MAP7D3: variants seen among roughly 807,000 people sequenced by gnomAD.
The protein encoded by MAP7D3 is MAP7 domain-containing protein 3.
In MAP7D3, 45 loss-of-function variants were observed where a neutral mutation model predicts 62.2. That is an observed-to-expected ratio of 0.72 (90% CI 0.57 to 0.93). The LOEUF is 0.93. Ranked by LOEUF, MAP7D3 falls within the 40% of genes least tolerant of loss-of-function variation. MAP7D3 has a pLI of 0.00. For missense variants in MAP7D3, 711 were observed against 683.1 expected (o/e 1.04, Z -0.45); for synonymous variants, 288 against 248.8 (o/e 1.16, Z -1.48).
chrX:136,236,164 G>A, intron 7 of MAP7D3, 80 bp downstream of exon 7: 1 of 628,030 alleles, frequency 1.6e-6, no homozygotes, highest in South Asian at 3.5e-5. Flanking sequence ...TTTTGGGAAT[G>A]ATTTTTCAAG....
At chrX:136,222,003 C>T (rs1291359558) in intron 15 of MAP7D3, 1 of 124,916 alleles carries the variant, frequency 8.0e-6, no homozygotes, top group East Asian at 2.3e-4. Flanking sequence ...GACATGGTTT[C>T]AATTTTTCTT....
chrX:136,241,549 T>C (rs1434271579), intron 4 of MAP7D3, among the ~76,000 whole-genome samples: 2 of 112,056 alleles, frequency 1.8e-5, no homozygotes, highest in African/African-American at 6.5e-5. Context: ...AGCCTCTTTC[T>C]AGCAACTGTA....
chrX:136,236,421 T>A (rs2074331232), intron 6 of MAP7D3, 82 bp from the exon 7 acceptor site: 6 of 504,845 alleles, frequency 1.2e-5, no homozygotes, highest in Non-Finnish European at 1.9e-5. Flanking sequence ...TTTCAAACAT[T>A]TTTTATGTTC....
At chrX:136,233,346 C>T (rs909116886) in intron 7 of MAP7D3, among the ~76,000 whole-genome samples, 1 of 105,994 alleles carries the variant, frequency 9.4e-6, no homozygotes, top group African/African-American at 3.4e-5. Flanking sequence ...GCAATCTTGG[C>T]TCACTGCAAC....
intron 11 of MAP7D3, 81 bp downstream of exon 11, chrX:136,228,542 A>G: frequency 1.1e-6 from 1 of 949,712 alleles, no homozygotes. Context: ...AGAATTTATA[A>G]CTTGAGGGTA....
intron 1 of MAP7D3, among the ~76,000 whole-genome samples, chrX:136,246,882 T>G (rs1301030663): frequency 2.7e-5 from 3 of 111,979 alleles, no homozygotes. Flanking sequence ...CTTTCTATCC[T>G]GGTTGCACAC....
intron 12 of MAP7D3, among the ~76,000 whole-genome samples, chrX:136,227,043 G>C (rs78846673): frequency 9.0e-6 from 1 of 111,549 alleles, no homozygotes; most frequent in African/African-American, 3.3e-5. Flanking sequence ...GCAGGAGAAT[G>C]GCTTGAACCT....
At chrX:136,246,005 AAC>A in intron 3 of MAP7D3, 58 bp downstream of exon 3, 2 of 811,483 alleles carry the variant, frequency 2.5e-6, no homozygotes, top group Non-Finnish European at 3.6e-6. Context: ...ATAAGTTAAA[AAC>A]ACTTTGCAAT....
chrX:136,230,409 T>G lies in MAP7D3; in HGVS notation c.1726A>C (p.Ser576Arg), dbSNP rs758175111. ...CCTTCATAGATCATATGCCTTTGGC[T>G]CAAAGCCTCACATCTGTTAGTGGTT... ...SKTTNRCEAL[S>R]QRHMIYEESG... Residue 576 changes from serine to arginine, a missense_variant, in exon 10 of 19, where the codon AGC becomes CGC. Coordinates refer to ENST00000316077, the MANE Select transcript of MAP7D3 (RefSeq NM_024597.4). The G allele has an allele frequency of 2.5e-6, 3 of 1,197,445 alleles. No homozygotes were observed. The South Asian group carries it at 5.3e-5, about 21-fold the overall frequency.
At chrX:136,252,754 A>G (rs1265893670), upstream of MAP7D3, among the ~76,000 whole-genome samples, 1 of 109,278 alleles carries the variant, frequency 9.2e-6, no homozygotes, top group African/African-American at 3.3e-5. Context: ...AATTTTAACA[A>G]AAATTAAAAC....
At position 136,235,735 on chromosome X, in the gene MAP7D3, C is replaced by T. The variant is rs182751865; in HGVS notation, c.736+509G>A. On this transcript the variant is annotated intron_variant, in intron 7 of 18. Coordinates refer to ENST00000316077, the MANE Select transcript of MAP7D3 (RefSeq NM_024597.4). ...CTGCCCTCCAGCCTGGGCAACAGAG[C>T]GAGACTCTATTTCAAAAAAAAAAGA... Among the ~76,000 whole-genome samples, 212 of 108,666 alleles carry T rather than the reference C, an allele frequency of 2.0e-3. 1 individual carries two copies. Among genetic ancestry groups the T allele is most frequent in the African/African-American group, 6.7e-3 (199 of 29,859 alleles). The allele number at this position is 108,666 out of a possible 115,157, so 94.4% of individuals were successfully genotyped here. A position where few individuals can be genotyped will look rare whatever the true frequency, so the allele number is the denominator to read the frequency against.
upstream of MAP7D3, chrX:136,251,590 T>C: frequency 1.2e-6 from 1 of 806,123 alleles, no homozygotes; most frequent in Non-Finnish European, 1.5e-6. Context: ...AAAGAAACCC[T>C]CTCCTATGTT....
chrX:136,228,605 G>A lies in MAP7D3; in HGVS notation c.1886+18C>T. Reference sequence around the variant, plus strand: ...CCACTCAAGATTTATAGTATAGGAAGGAAGACTTTGTGCTGACCTTTGCTG... The same window carrying A: ...CCACTCAAGATTTATAGTATAGGAAAGAAGACTTTGTGCTGACCTTTGCTG... On this transcript the variant is annotated intron_variant, in intron 11 of 18. Transcript: ENST00000316077. 8.4e-7 allele frequency: 1 copy of A among 1,196,013 alleles called. No individual in the cohort carries two copies. Among genetic ancestry groups the A allele is most frequent in the South Asian group, 1.8e-5 (1 of 54,104 alleles).
rs772400783 is a variant in MAP7D3, at chrX:136,228,721, G to C, written c.1788C>G (p.Ala596=). 2.9e-5 allele frequency: 35 copies of C among 1,202,684 alleles called. No individual in the cohort carries two copies. Among genetic ancestry groups the C allele is most frequent in the Non-Finnish European group, 3.8e-5 (34 of 890,308 alleles). The change falls in exon 11 of 19, where the codon GCC becomes GCG. Residue 596 remains alanine, a synonymous_variant. Coordinates refer to ENST00000316077, the MANE Select transcript of MAP7D3 (RefSeq NM_024597.4). ...GNKSTAGIMN[A]EAATKILTEL... ...CTGTCAAAATTTTTGTTGCCGCCTC[G>C]GCATTCATAATACCTGCAGTACTCT...
At chrX:136,234,843 T>C (rs967492270) in intron 7 of MAP7D3, among the ~76,000 whole-genome samples, 3 of 111,498 alleles carry the variant, frequency 2.7e-5, no homozygotes, top group Non-Finnish European at 5.6e-5. Flanking sequence ...AACTGATATA[T>C]GAGCAACGAG....
intron 1 of MAP7D3, among the ~76,000 whole-genome samples, chrX:136,247,833 T>C (rs1205456706): frequency 8.9e-6 from 1 of 112,041 alleles, no homozygotes; most frequent in Non-Finnish European, 1.9e-5. Flanking sequence ...AAAGTACTTG[T>C]AGTATTGTTT....
Position 136,224,873 on chromosome X carries a change from T to G in MAP7D3, c.2147A>C (p.Glu716Ala), listed in dbSNP as rs1169402456. 3.5e-6 allele frequency: 4 copies of G among 1,143,431 alleles called. No individual in the cohort carries two copies. In the Middle Eastern group the frequency reaches 7.2e-4, roughly 205 times the overall value. The allele number at this position is 1,143,431 out of a possible 1,213,427, so 94.2% of individuals were successfully genotyped here. The stretch of plus-strand genomic sequence containing the variant: ...CTTTCTTGTCCGCTTCATAATTTCT[T>G]CTATTCTCTATTTAAAGGAAAATAA... ...QERLERKKRI[E>A]EIMKRTRKTD... Residue 716 changes from glutamate (E) to alanine (A), a missense_variant, in exon 14 of 19, where the codon GAA becomes GCA. Coordinates refer to ENST00000316077, the MANE Select transcript of MAP7D3 (RefSeq NM_024597.4).
intron 6 of MAP7D3, 92 bp downstream of exon 6, chrX:136,240,290 G>T: frequency 3.9e-6 from 2 of 513,658 alleles, no homozygotes; most frequent in Non-Finnish European, 6.8e-6. Context: ...AAACATAAAT[G>T]TTCCACAATC....
intron 12 of MAP7D3, among the ~76,000 whole-genome samples, chrX:136,226,771 G>A (rs2074202210): frequency 8.9e-6 from 1 of 111,950 alleles, no homozygotes; most frequent in African/African-American, 3.2e-5. Context: ...AACATTCTAT[G>A]GTTTTCTGAG....
Sources: allele counts gnomAD v4.1 joint callset (sites outside exome capture counted in the v4.1 genomes callset), GRCh38; gene constraint gnomAD v4.1.1; transcripts MANE v1.5; gene names NCBI Gene and HGNC (gene_info 2026-07-23, HGNC 2026-07-21).